The following MGMT variants were observed in gnomAD, a reference collection of about 807,000 sequenced individuals.
MGMT encodes the protein methylated-DNA--protein-cysteine methyltransferase.
MGMT carries 14 observed loss-of-function variants against 15.9 expected under a neutral mutation model. That is an observed-to-expected ratio of 0.88 (90% CI 0.58 to 1.37). The LOEUF (loss-of-function observed/expected upper bound fraction) is 1.37, where lower values mean the gene tolerates loss of function less well. Among genes scored for constraint, MGMT ranks in the 40% most tolerant of loss-of-function variants. The pLI is 0.00. For missense variants in MGMT, 282 were observed against 268.1 expected (o/e 1.05, Z -0.36); for synonymous variants, 130 against 118.2 (o/e 1.10, Z -0.65).
At chr10:129,762,497 G>A (rs908737317) in intron 4 of MGMT, among the ~76,000 whole-genome samples, 5 of 152,132 alleles carry the variant, frequency 3.3e-5, no homozygotes, top group African/African-American at 1.2e-4. Context: ...GCCGGTGTAA[G>A]GTGGTTGGTC....
intron 2 of MGMT, among the ~76,000 whole-genome samples, chr10:129,558,785 A>C (rs1174069674): frequency 6.6e-6 from 1 of 151,942 alleles, no homozygotes; most frequent in Non-Finnish European, 1.5e-5. Context: ...GTGAAAATGT[A>C]GTTGCTTTGG....
At chr10:129,733,389 A>C (rs1402213050) in intron 3 of MGMT, among the ~76,000 whole-genome samples, 3 of 152,042 alleles carry the variant, frequency 2.0e-5, no homozygotes, top group East Asian at 1.9e-4. Context: ...TCCTTCGCCC[A>C]CTTTTTTGAT....
At chr10:129,599,184 AT>A (rs1846788239) in intron 2 of MGMT, among the ~76,000 whole-genome samples, 1 of 152,220 alleles carries the variant, frequency 6.6e-6, no homozygotes, top group African/African-American at 2.4e-5. Context: ...CGTTTGCCTT[AT>A]TTGAACATGG....
chr10:129,684,068 T>C (rs1238430036), intron 2 of MGMT, among the ~76,000 whole-genome samples: 2 of 152,346 alleles, frequency 1.3e-5, no homozygotes, highest in East Asian at 1.9e-4. Context: ...TGCTGAAATA[T>C]GCATGTTTTT....
intron 2 of MGMT, among the ~76,000 whole-genome samples, chr10:129,665,318 C>T (rs905362860): frequency 1.3e-5 from 2 of 148,822 alleles, no homozygotes; most frequent in Non-Finnish European, 3.0e-5. Context: ...CTCTCTCTCT[C>T]TAACTCAGAA....
At chr10:129,620,815 T>A (rs1328228060) in intron 2 of MGMT, among the ~76,000 whole-genome samples, 2 of 152,228 alleles carry the variant, frequency 1.3e-5, no homozygotes, top group African/African-American at 4.8e-5. Context: ...AGGTATGGGT[T>A]TAGTCTGCCG....
At chr10:129,645,977 T>C (rs934720352) in intron 2 of MGMT, among the ~76,000 whole-genome samples, 1 of 152,206 alleles carries the variant, frequency 6.6e-6, no homozygotes, top group Non-Finnish European at 1.5e-5. Context: ...GTGGCTTGTT[T>C]GCATCTCTAT....
At chr10:129,517,135 A>G (rs57296572) in intron 1 of MGMT, among the ~76,000 whole-genome samples, 37,665 of 151,826 alleles carry the variant, frequency 0.25, 5,578 homozygotes, top group African/African-American at 0.42. Context: ...GACACCTTAG[A>G]ATGGGAGGAG....
intron 2 of MGMT, among the ~76,000 whole-genome samples, chr10:129,654,556 G>C (rs551412581): frequency 1.3e-5 from 2 of 152,246 alleles, no homozygotes; most frequent in African/African-American, 4.8e-5. Context: ...CAGCCTCAGC[G>C]GGGGCTGAGA....
chr10:129,630,145 G>A (rs373851035), intron 2 of MGMT, among the ~76,000 whole-genome samples: 2 of 152,258 alleles, frequency 1.3e-5, no homozygotes, highest in African/African-American at 4.8e-5. Flanking sequence ...TGCGTGCTCC[G>A]GGCACCCAAG....
At chr10:129,765,960 A>G (rs1589983385) in intron 4 of MGMT, among the ~76,000 whole-genome samples, 1 of 152,304 alleles carries the variant, frequency 6.6e-6, no homozygotes, top group East Asian at 1.9e-4. Context: ...AGCTCGGGCA[A>G]CGCCAAAGGA....
intron 2 of MGMT, among the ~76,000 whole-genome samples, chr10:129,583,000 C>T (rs1846574522): frequency 1.3e-5 from 2 of 152,020 alleles, no homozygotes; most frequent in South Asian, 2.1e-4. Context: ...TTCTATCTTC[C>T]CTAAAAGACA....
At position 129,557,105 on chromosome 10, in the gene MGMT, C is replaced by T. The variant is rs368548042; in HGVS notation, c.125+20728C>T. On this transcript the variant is annotated intron_variant, in intron 2 of 4. Transcript: ENST00000651593. ...GAGCGGGAAATACAGATATCCACCT[C>T]CTCTCATTATCCAAATACAATAACA... 2.7e-4 allele frequency among the ~76,000 whole-genome samples: 41 copies of T among 152,330 alleles called. No individual in the cohort carries two copies. The East Asian group carries it at 7.5e-3, about 28-fold the overall frequency.
intron 2 of MGMT, among the ~76,000 whole-genome samples, chr10:129,697,630 T>C (rs1391326173): frequency 6.6e-6 from 1 of 152,204 alleles, no homozygotes; most frequent in Admixed American, 6.5e-5. Context: ...TGCGAGAGCT[T>C]ACATCGAGCT....
intron 1 of MGMT, among the ~76,000 whole-genome samples, chr10:129,475,590 TATC>T (rs754272420): frequency 2.6e-5 from 4 of 152,240 alleles, no homozygotes; most frequent in Admixed American, 2.6e-4. Context: ...ACCATTGTGT[TATC>T]ATCAGATTAA....
At chr10:129,485,728 T>C (rs1845401586) in intron 1 of MGMT, among the ~76,000 whole-genome samples, 1 of 152,224 alleles carries the variant, frequency 6.6e-6, no homozygotes, top group African/African-American at 2.4e-5. Flanking sequence ...CTTTATTTCG[T>C]TTTAGCTGTT....
chr10:129,559,665 A>G (rs1846255211), intron 2 of MGMT, among the ~76,000 whole-genome samples: 1 of 152,176 alleles, frequency 6.6e-6, no homozygotes, highest in Admixed American at 6.5e-5. Flanking sequence ...GTTATAGAGT[A>G]TGTTGTGCCA....
chr10:129,513,550 C>T (rs1216182358), intron 1 of MGMT, among the ~76,000 whole-genome samples: 1 of 152,084 alleles, frequency 6.6e-6, no homozygotes, highest in African/African-American at 2.4e-5. Context: ...ATCCACAGTG[C>T]CAGGTCTAGG....
At chr10:129,715,950 G>T (rs972446049) in intron 3 of MGMT, among the ~76,000 whole-genome samples, 1 of 152,082 alleles carries the variant, frequency 6.6e-6, no homozygotes, top group African/African-American at 2.4e-5. Context: ...AAATATTTAC[G>T]TAGAGGGAAC....
Sources: gnomAD v4.1 joint callset for allele counts (sites outside exome capture counted in the v4.1 genomes callset) on GRCh38, gnomAD v4.1.1 for gene constraint, MANE v1.5 for transcripts, NCBI Gene and HGNC (gene_info 2026-07-23, HGNC 2026-07-21) for gene names.